The following AP1B1 variants were observed in gnomAD, a reference collection of about 807,000 sequenced individuals.
AP1B1 encodes adaptor related protein complex 1 subunit beta 1, also known as AP-1 complex subunit beta-1.
A neutral mutation model predicts 104.3 loss-of-function variants in AP1B1; 36 were observed. That is an observed-to-expected ratio of 0.35 (90% CI 0.26 to 0.46). The LOEUF (loss-of-function observed/expected upper bound fraction) is 0.46, where lower values mean the gene tolerates loss of function less well. Ranked by LOEUF, AP1B1 falls within the 20% of genes least tolerant of loss-of-function variation. AP1B1 has a pLI of 1.00. For missense variants in AP1B1, 901 were observed against 1,247.9 expected, an observed-to-expected ratio of 0.72 and a Z score of 4.19; for synonymous variants, 504 against 517.5, an observed-to-expected ratio of 0.97 and a Z score of 0.35.
At chr22:29,353,072 G>T (rs1173633312) in intron 7 of AP1B1, among the ~76,000 whole-genome samples, 1 of 152,180 alleles carries the variant, frequency 6.6e-6, no homozygotes, top group Non-Finnish European at 1.5e-5. Context: ...AGGGTGAGAG[G>T]CTGGTACTAG....
At chr22:29,331,653 T>C (rs968243396) in intron 18 of AP1B1, 120 bp from the exon 19 acceptor site, 4 of 1,578,818 alleles carry the variant, frequency 2.5e-6, no homozygotes, top group African/African-American at 1.3e-5. Flanking sequence ...CACCCCTTCG[T>C]TCCCCAACCT....
At chr22:29,375,207 C>T (rs1474367140) in intron 1 of AP1B1, among the ~76,000 whole-genome samples, 7 of 151,366 alleles carry the variant, frequency 4.6e-5, no homozygotes, top group African/African-American at 9.7e-5. Flanking sequence ...AAAAATTAGT[C>T]GGTGTGGTGG....
chr22:29,350,286 C>A (rs940070669), intron 9 of AP1B1, 136 bp from the exon 10 acceptor site: 2 of 655,536 alleles, frequency 3.1e-6, no homozygotes, highest in Non-Finnish European at 5.5e-6. Context: ...AACAGGAGAA[C>A]CCTCTCCCCA....
chr22:29,373,965 A>AGG (rs538570492), intron 1 of AP1B1, among the ~76,000 whole-genome samples: 24 of 150,150 alleles, frequency 1.6e-4, no homozygotes, highest in East Asian at 7.9e-4. Context: ...TGGGAGGCTG[A>AGG]GGGGGGTGGA....
chr22:29,357,476 C>A (rs1444795467), intron 5 of AP1B1, among the ~76,000 whole-genome samples: 10 of 152,114 alleles, frequency 6.6e-5, no homozygotes, highest in Non-Finnish European at 2.9e-5. Flanking sequence ...AGCAATCCTC[C>A]TGCCTCAGCC....
chr22:29,381,509 G>A (rs1032314414), intron 1 of AP1B1, among the ~76,000 whole-genome samples: 3 of 152,184 alleles, frequency 2.0e-5, no homozygotes, highest in South Asian at 2.1e-4. Flanking sequence ...ACCTCTGCTA[G>A]AGCAGCTTCT....
rs1047094085 is a variant in AP1B1 at position 29,330,389 on chromosome 22, G to A, written c.2755C>T (p.Pro919Ser). Residue 919 changes from proline to serine, a missense_variant, in exon 21 of 23, where the codon CCC becomes TCC. Pro to Ser is a moderately conservative substitution (Grantham distance 74). This residue lies in a region of AP1B1 where 424 missense variants were observed against 494.0 expected (regional missense o/e 0.86). Transcript: ENST00000357586. ...LAELRIQPGNPSCTDLELSLK... is the reference protein window; with the variant it reads ...LAELRIQPGNSSCTDLELSLK... ...GCCGGGGCTCTCACCGTGCAGCTGG[G>A]GTTGCCCGGCTGGATCCGCAGCTCC... 3.1e-6 allele frequency: 5 copies of A among 1,613,438 alleles called. No individual in the cohort carries two copies. The highest frequency in any genetic ancestry group is 4.2e-6 in the Non-Finnish European group (5 of 1,179,866).
chr22:29,375,207 C>CG (rs5844850), intron 1 of AP1B1, among the ~76,000 whole-genome samples: 60,080 of 151,406 alleles, frequency 0.4, 13,246 homozygotes, highest in East Asian at 0.68. Context: ...AAAAATTAGT[C>CG]GGTGTGGTGG....
chr22:29,346,183 G>C (rs1410286340), intron 11 of AP1B1, among the ~76,000 whole-genome samples: 1 of 152,176 alleles, frequency 6.6e-6, no homozygotes, highest in Non-Finnish European at 1.5e-5. Context: ...GGAGGAGCTT[G>C]GATCTCAAAC....
intron 1 of AP1B1, among the ~76,000 whole-genome samples, chr22:29,367,551 C>T (rs1424646208): frequency 2.0e-5 from 3 of 150,688 alleles, no homozygotes; most frequent in Non-Finnish European, 4.4e-5. Context: ...CCTCCTGCCT[C>T]GGCCTCCCAA....
intron 1 of AP1B1, among the ~76,000 whole-genome samples, chr22:29,381,889 C>T (rs117915881): frequency 6.6e-6 from 1 of 151,676 alleles, no homozygotes; most frequent in Non-Finnish European, 1.5e-5. Context: ...CTATCTCTAC[C>T]CTTGCTGATC....
At chr22:29,365,552 C>T (rs2062122055) in intron 2 of AP1B1, among the ~76,000 whole-genome samples, 1 of 152,196 alleles carries the variant, frequency 6.6e-6, no homozygotes, top group African/African-American at 2.4e-5. Context: ...ACTACGTTCA[C>T]CCTGTGGCTC....
chr22:29,376,653 G>A lies in AP1B1; in HGVS notation c.-27-9383C>T, dbSNP rs1286945408. Among the ~76,000 whole-genome samples, 3 of 129,466 alleles carry A rather than the reference G, an allele frequency of 2.3e-5. No individual in the cohort carries two copies. In the East Asian group the frequency reaches 1.1e-3, roughly 46 times the overall value. 84.9% of individuals were successfully genotyped at this position (129,466 alleles called of 152,430 possible). On this transcript the variant is annotated intron_variant, in intron 1 of 22. Transcript: ENST00000357586. ...GGACAGTCAAGAGGAAGTTAGGGAAGAGTGGAAAAAAAGGGGCTGGGGTGA... is the reference window on the plus strand; with the variant it reads ...GGACAGTCAAGAGGAAGTTAGGGAAAAGTGGAAAAAAAGGGGCTGGGGTGA...
intron 2 of AP1B1, among the ~76,000 whole-genome samples, chr22:29,366,877 CACACAA>C (rs2062149406): frequency 1.4e-5 from 2 of 147,202 alleles, no homozygotes; most frequent in African/African-American, 5.2e-5. Flanking sequence ...CACACACACA[CACACAA>C]CTGCTGTGGG....
chr22:29,328,498 G>A lies in AP1B1; in HGVS notation c.*323C>T, dbSNP rs564405243. 4 of 273,120 alleles carry A rather than the reference G, an allele frequency of 1.5e-5. No homozygotes were observed. Among genetic ancestry groups the A allele is most frequent in the African/African-American group, 2.2e-5 (1 of 45,094 alleles). 16.9% of individuals were successfully genotyped at this position (273,120 alleles called of 1,614,324 possible). Reference sequence around the variant, plus strand: ...GGGGCTGCCGGGGCTGTGAGCCGGAGGGGCAAGCTCCACACTCACCCTTCA... The same window carrying A: ...GGGGCTGCCGGGGCTGTGAGCCGGAAGGGCAAGCTCCACACTCACCCTTCA... On this transcript the variant is annotated 3_prime_UTR_variant, in exon 23 of 23. Coordinates refer to ENST00000357586, the MANE Select transcript of AP1B1 (RefSeq NM_001127.4). The surrounding 1 kb of genome is among the most constrained non-coding windows in gnomAD (Gnocchi z 4.1).
intron 1 of AP1B1, among the ~76,000 whole-genome samples, chr22:29,387,300 A>G (rs2062541556): frequency 6.6e-6 from 1 of 151,818 alleles, no homozygotes; most frequent in Non-Finnish European, 1.5e-5. Context: ...ACGGCAGCTA[A>G]AAATCTTTTT....
At chr22:29,376,486 A>T (rs964002554) in intron 1 of AP1B1, among the ~76,000 whole-genome samples, 3 of 152,216 alleles carry the variant, frequency 2.0e-5, no homozygotes, top group Non-Finnish European at 4.4e-5. Flanking sequence ...TCTGAACTCA[A>T]GGACATTCAA....
chr22:29,382,809 A>G (rs2062458356), intron 1 of AP1B1, among the ~76,000 whole-genome samples: 1 of 152,100 alleles, frequency 6.6e-6, no homozygotes, highest in Admixed American at 6.6e-5. Context: ...AGCAATGAGG[A>G]AAACAGTGGG....
intron 11 of AP1B1, among the ~76,000 whole-genome samples, chr22:29,346,137 G>T (rs752168434): frequency 2.0e-5 from 3 of 152,220 alleles, no homozygotes; most frequent in Non-Finnish European, 1.5e-5. Flanking sequence ...GGTTTGGTGA[G>T]TTCAAGTAAC....
Sources: gnomAD v4.1 joint callset for allele counts (sites outside exome capture counted in the v4.1 genomes callset) on GRCh38, gnomAD v4.1.1 for gene constraint, gnomAD v4.1.1 regional missense constraint, Gnocchi (gnomAD v3.1) non-coding constraint, MANE v1.5 for transcripts, NCBI Gene and HGNC (gene_info 2026-07-23, HGNC 2026-07-21) for gene names.